ALDH16A1: variants seen among roughly 807,000 people sequenced by gnomAD.
ALDH16A1 encodes the protein aldehyde dehydrogenase 16 family member A1, also known as aldehyde dehydrogenase family 16 member A1.
Under a neutral mutation model 96.1 loss-of-function variants are expected in ALDH16A1, and 88 were observed. The ratio of observed to expected loss-of-function variants is 0.92; its 90% CI spans 0.77 to 1.09. ALDH16A1 has a LOEUF of 1.09. ALDH16A1 is among the 50% of genes least tolerant of loss of function. ALDH16A1 has a pLI of 0.00. For synonymous variants in ALDH16A1, 522 were observed against 496.4 expected (o/e 1.05, Z -0.69); for missense variants, 1,250 against 1,112.6 (o/e 1.12, Z -1.76).
At position 49,470,383 on chromosome 19, in the gene ALDH16A1, G is replaced by T; in HGVS notation, c.2325G>T (p.Trp775Cys). The change falls in exon 17 of 17, where the codon TGG becomes TGT. Residue 775 changes from tryptophan to cysteine, a missense_variant. Transcript: ENST00000293350. ...CGAGCAGGGGCTGCCCGCGGGCCTG[G>T]GACCAGGAGGCCGAGGGGGCAGGCC... Reference protein sequence around the residue: ...VWASRGCPRAWDQEAEGAGPE... With the variant: ...VWASRGCPRACDQEAEGAGPE... 6.2e-7 allele frequency: 1 copy of T among 1,612,724 alleles called. No homozygotes were observed.
intron 13 of ALDH16A1, 43 bp downstream of exon 13, chr19:49,465,948 G>A (rs760546176): frequency 1.3e-6 from 2 of 1,593,490 alleles, no homozygotes; most frequent in African/African-American, 2.7e-5. Context: ...TGGTGTGGCA[G>A]AGAGGGGAGC....
At chr19:49,464,800 G>T in intron 12 of ALDH16A1, 38 bp downstream of exon 12, 2 of 1,611,288 alleles carry the variant, frequency 1.2e-6, no homozygotes. Context: ...GAGTGTGAAC[G>T]GGGAGAGGGG....
intron 1 of ALDH16A1, among the ~76,000 whole-genome samples, chr19:49,455,146 A>G (rs1005733435): frequency 3.4e-5 from 5 of 147,714 alleles, no homozygotes; most frequent in African/African-American, 1.0e-4. Flanking sequence ...GGCTGGGCGC[A>G]GTGGTTCACA....
chr19:49,455,435 A>G (rs1269796237), intron 1 of ALDH16A1, among the ~76,000 whole-genome samples: 1 of 151,350 alleles, frequency 6.6e-6, no homozygotes, highest in South Asian at 2.1e-4. Context: ...AAAAAAAAAA[A>G]AAAGGAAACA....
intron 12 of ALDH16A1, 71 bp downstream of exon 12, chr19:49,464,833 G>A: frequency 1.9e-6 from 3 of 1,600,584 alleles, no homozygotes; most frequent in South Asian, 1.1e-5. Context: ...TTTCCCCGTG[G>A]ACTGGAGGGC....
chr19:49,470,650 T>TTTTC lies in ALDH16A1; in HGVS notation c.*186_*187insCTTT, dbSNP rs1568659185. The TTTTC allele has an allele frequency of 6.2e-5, 20 of 320,632 alleles. No individual in the cohort carries two copies. The highest frequency in any genetic ancestry group is 1.1e-4 in the South Asian group (1 of 8,846). The allele number at this position is 320,632 out of a possible 1,614,324, so 19.9% of individuals were successfully genotyped here. On this transcript the variant is annotated 3_prime_UTR_variant, in exon 17 of 17. Transcript: ENST00000293350. ...TCTGGCAGATATGAGGCTTTTTTCTTTTTTTTTTTTTTTTTTGAGACAACG... is the reference window on the plus strand; with the variant it reads ...TCTGGCAGATATGAGGCTTTTTTCTTTTTCTTTTTTTTTTTTTTTTGAGACAACG...
Position 49,464,699 on chromosome 19 carries a change from A to G in ALDH16A1, c.1505A>G (p.Asn502Ser), listed in dbSNP as rs781377623. The G allele has an allele frequency of 1.4e-5, 22 of 1,613,496 alleles. 2 individuals are homozygous for G. In the South Asian group the frequency reaches 2.3e-4, roughly 17 times the overall value. Residue 502 changes from asparagine to serine, a missense_variant, in exon 12 of 17, where the codon AAC (asparagine) becomes AGC (serine). By Grantham distance (46) the Asn-to-Ser change is conservative. Transcript: ENST00000293350. ...ARLSCLSKNL[N>S]YDTFGLAVPS... The stretch of plus-strand genomic sequence containing the variant: ...CTGTCCTGCCTCTCCAAGAACCTGA[A>G]CTATGACACCTTTGGCCTCGCTGTT...
intron 8 of ALDH16A1, 45 bp downstream of exon 8, chr19:49,462,800 C>T: frequency 3.4e-6 from 5 of 1,486,222 alleles, no homozygotes; most frequent in Non-Finnish European, 4.5e-6. Context: ...GGAGGAGGGG[C>T]CTGGAGACCC....
rs2079214338 is a variant in ALDH16A1, at chr19:49,468,137, G to C, written c.1939-244G>C. Among the ~76,000 whole-genome samples, 1 of 148,412 alleles carries C rather than the reference G, an allele frequency of 6.7e-6. No homozygotes were observed. Among genetic ancestry groups the C allele is most frequent in the South Asian group, 2.2e-4 (1 of 4,622 alleles). ...ATCGCACCACTGCACTCTAGCCAGGGCGACAGAGTGAGAGTCCGTCTCAAA... is the reference window on the plus strand; with the variant it reads ...ATCGCACCACTGCACTCTAGCCAGGCCGACAGAGTGAGAGTCCGTCTCAAA... On this transcript the variant is annotated intron_variant, in intron 14 of 16. Coordinates refer to ENST00000293350, the MANE Select transcript of ALDH16A1 (RefSeq NM_153329.4). This position sits in a 1 kb window ranked among gnomAD's most constrained non-coding sequence, Gnocchi z 4.4.
intron 12 of ALDH16A1, 45 bp from the exon 13 acceptor site, chr19:49,465,693 A>G (rs2079191574): frequency 6.3e-7 from 1 of 1,576,284 alleles, no homozygotes; most frequent in Non-Finnish European, 8.6e-7. Flanking sequence ...GGGTCTGAGC[A>G]GATTGAGGCC....
At position 49,453,305 on chromosome 19, in the gene ALDH16A1, C is replaced by G. The variant is rs1444440275; in HGVS notation, c.-27C>G. On this transcript the variant is annotated 5_prime_UTR_variant, in exon 1 of 17. Transcript: ENST00000293350. ...CCCTTAACACAGAGCGCCCCGCAGT[C>G]TTCGCGGAAAGCGTTCGGGGTAGGC... 3.3e-6 allele frequency: 5 copies of G among 1,536,290 alleles called. No individual in the cohort carries two copies. The highest frequency in any genetic ancestry group is 2.0e-5 in the Admixed American group (1 of 51,222).
intron 2 of ALDH16A1, 21 bp downstream of exon 2, chr19:49,458,609 A>G: frequency 6.4e-7 from 1 of 1,550,700 alleles, no homozygotes; most frequent in Non-Finnish European, 8.7e-7. Flanking sequence ...TCCCCCAGTC[A>G]TTAGTGGAAG....
chr19:49,458,403 C>A, intron 1 of ALDH16A1, 83 bp from the exon 2 acceptor site: 2 of 1,037,274 alleles, frequency 1.9e-6, no homozygotes, highest in Non-Finnish European at 2.9e-6. Flanking sequence ...AGACAGACGT[C>A]CCCTCCTAGA....
In ALDH16A1 at chr19:49,458,634, C is replaced by T. The variant is rs1477726929; in HGVS notation, c.193+46C>T. On this transcript the variant is annotated intron_variant, in intron 2 of 16. Coordinates refer to ENST00000293350, the MANE Select transcript of ALDH16A1 (RefSeq NM_153329.4). ...ATTAGTGGAAGGGAGGTATCTGTGCCCTCTAGCCCTACCCACCAACACCCA... is the reference window on the plus strand; with the variant it reads ...ATTAGTGGAAGGGAGGTATCTGTGCTCTCTAGCCCTACCCACCAACACCCA... 8 of 1,529,014 alleles carry T rather than the reference C, an allele frequency of 5.2e-6. No individual in the cohort carries two copies. In the African/African-American group the frequency reaches 8.3e-5, roughly 16 times the overall value. 94.7% of individuals were successfully genotyped at this position (1,529,014 alleles called of 1,614,324 possible).
chr19:49,465,263 G>C (rs1486532340), intron 12 of ALDH16A1, among the ~76,000 whole-genome samples: 1 of 150,278 alleles, frequency 6.7e-6, no homozygotes, highest in Non-Finnish European at 1.5e-5. Flanking sequence ...GAAGCTTTGG[G>C]TCCTCCGGGG....
intron 1 of ALDH16A1, among the ~76,000 whole-genome samples, chr19:49,457,876 A>C (rs1012354464): frequency 6.6e-6 from 1 of 152,046 alleles, no homozygotes; most frequent in African/African-American, 2.4e-5. Flanking sequence ...GTGGACTCCA[A>C]ATAGGTGCCA....
intron 6 of ALDH16A1, 26 bp from the exon 7 acceptor site, chr19:49,461,858 G>T: frequency 6.3e-7 from 1 of 1,595,768 alleles, no homozygotes; most frequent in South Asian, 1.1e-5. Flanking sequence ...GGCTCCTCCT[G>T]CGGCTGAACT....
chr19:49,468,829 G>A lies in ALDH16A1; in HGVS notation c.2125-35G>A, dbSNP rs202240148. 133 of 1,591,634 alleles carry A rather than the reference G, an allele frequency of 8.4e-5. 1 individual carries two copies. The highest frequency in any genetic ancestry group is 2.2e-4 in the African/African-American group (16 of 73,470). ...TGCCCACTCCTTGCCCTGCCCCCAC[G>A]GCCTCCCCAACCTTTCACTCTCTCT... On this transcript the variant is annotated intron_variant, in intron 15 of 16. Coordinates refer to ENST00000293350, the MANE Select transcript of ALDH16A1 (RefSeq NM_153329.4). The surrounding 1 kb of genome is among the most constrained non-coding windows in gnomAD (Gnocchi z 4.4).
rs765106168 is a variant in ALDH16A1, at chr19:49,458,541, T to A, written c.146T>A (p.Leu49Ter). Residue 49 changes from leucine (L) to a stop codon, truncating the protein, a stop_gained, in exon 2 of 17, where the codon TTA becomes TAA. Transcript: ENST00000293350. LOFTEE classifies it high-confidence loss of function. Reference sequence around the variant, plus strand: ...GGCCACTATGTGAATGGGAAGTGGTTAAAGCCTGAACACAGAAATTCAGTG... The same window carrying A: ...GGCCACTATGTGAATGGGAAGTGGTAAAAGCCTGAACACAGAAATTCAGTG... The part of the protein sequence containing the change: ...CLGHYVNGKW[L>*]KPEHRNSVPC... 1.5e-5 allele frequency: 23 copies of A among 1,567,526 alleles called. No homozygotes were observed. The highest frequency in any genetic ancestry group is 1.9e-5 in the Non-Finnish European group (22 of 1,153,910).
Sources: allele counts gnomAD v4.1 joint callset (sites outside exome capture counted in the v4.1 genomes callset), GRCh38; gene constraint gnomAD v4.1.1; non-coding constraint Gnocchi (gnomAD v3.1); transcripts MANE v1.5; gene names NCBI Gene and HGNC (gene_info 2026-07-23, HGNC 2026-07-21).